Variants in UGGT1 observed in about 807,000 individuals in gnomAD.
UGGT1 encodes the protein UDP-glucose glycoprotein glucosyltransferase 1, also known as UDP-glucose:glycoprotein glucosyltransferase 1.
UGGT1 carries 107 observed loss-of-function variants against 203.9 expected under a neutral mutation model. The observed-to-expected ratio is 0.52, with a 90% CI of 0.45 to 0.62. The LOEUF is 0.62. Among genes scored for constraint, UGGT1 ranks in the 20% least tolerant of loss-of-function variants. The pLI, the probability that UGGT1 is intolerant of heterozygous loss-of-function variation, is 0.00. For missense variants in UGGT1, 1,673 were observed against 1,867.2 expected, an observed-to-expected ratio of 0.90 and a Z score of 1.92; for synonymous variants, 628 against 653.5, an observed-to-expected ratio of 0.96 and a Z score of 0.59.
chr2:128,140,070 T>C (rs1689333679), intron 16 of UGGT1: 1 of 153,424 alleles, frequency 6.5e-6, no homozygotes, highest in African/African-American at 2.4e-5. Context: ...TTGAAGAGGC[T>C]CTCAGCGGAT....
Position 128,182,254 on chromosome 2 carries a change from G to A in UGGT1, c.4208G>A (p.Trp1403Ter). Residue 1403 changes from tryptophan to a stop codon, truncating the protein, a stop_gained, in exon 37 of 41, where the codon TGG becomes TAG. Coordinates refer to ENST00000259253, the MANE Select transcript of UGGT1 (RefSeq NM_020120.4). LOFTEE classifies it high-confidence loss of function. ...TACAGGTTCTGGAAGTCAGGGTACT[G>A]GGCCAGTCATTTAGCCGGGCGAAAG... The part of the protein sequence containing the change: ...DGYRFWKSGY[W>*]ASHLAGRKYH... 6.2e-7 allele frequency: 1 copy of A among 1,613,938 alleles called. No homozygotes were observed. Among genetic ancestry groups the A allele is most frequent in the Non-Finnish European group, 8.5e-7 (1 of 1,179,932 alleles).
intron 31 of UGGT1, among the ~76,000 whole-genome samples, chr2:128,176,227 A>G (rs1165847721): frequency 6.6e-6 from 1 of 152,176 alleles, no homozygotes; most frequent in Non-Finnish European, 1.5e-5. Flanking sequence ...CAGCCTAGCC[A>G]CTATGGTGAA....
At chr2:128,128,987 C>G (rs531403590) in intron 12 of UGGT1, 42 bp from the exon 13 acceptor site, 1 of 1,475,500 alleles carries the variant, frequency 6.8e-7, no homozygotes, top group East Asian at 2.5e-5. Context: ...TTTTTAAAAG[C>G]TTTTTTTCCT....
intron 3 of UGGT1, among the ~76,000 whole-genome samples, chr2:128,107,114 A>G (rs1687643262): frequency 6.6e-6 from 1 of 152,100 alleles, no homozygotes; most frequent in Non-Finnish European, 1.5e-5. Context: ...CCTGCTTTTT[A>G]TAACATTTTA....
chr2:128,115,271 G>A, intron 7 of UGGT1, 51 bp downstream of exon 7: 1 of 1,503,660 alleles, frequency 6.7e-7, no homozygotes, highest in Non-Finnish European at 9.2e-7. Flanking sequence ...ATGAGTTAAA[G>A]GGGAGTTTGT....
At chr2:128,186,942 G>A (rs1403215869) in intron 39 of UGGT1, 143 bp downstream of exon 39, 18 of 611,718 alleles carry the variant, frequency 2.9e-5, no homozygotes, top group African/African-American at 9.5e-5. Context: ...GTAGTTTGTC[G>A]GGGCTATTCT....
intron 25 of UGGT1, 103 bp from the exon 26 acceptor site, chr2:128,164,627 C>T: frequency 1.1e-6 from 1 of 933,650 alleles, no homozygotes; most frequent in Non-Finnish European, 1.7e-6. Flanking sequence ...CTTGTTCAAA[C>T]CATCTTGTTA....
chr2:128,133,371 C>G (rs1043231669), intron 14 of UGGT1, 111 bp downstream of exon 14: 18 of 1,373,572 alleles, frequency 1.3e-5, no homozygotes, highest in East Asian at 2.5e-5. Context: ...CTTCCTCCCC[C>G]ACCCTTCACC....
At chr2:128,115,528 C>G (rs183323495) in intron 7 of UGGT1, among the ~76,000 whole-genome samples, 151 of 150,350 alleles carry the variant, frequency 1.0e-3, no homozygotes, top group African/African-American at 3.4e-3. Context: ...AAAAAAGAAC[C>G]TGGCACAGTG....
chr2:128,117,579 T>A (rs1296623004), intron 8 of UGGT1, among the ~76,000 whole-genome samples: 1 of 150,918 alleles, frequency 6.6e-6, no homozygotes, highest in Admixed American at 6.6e-5. Context: ...AGTCTTGCTC[T>A]GTTGCCTAGG....
chr2:128,129,343 C>A (rs1688765491), intron 13 of UGGT1, among the ~76,000 whole-genome samples, 164 bp downstream of exon 13: 1 of 151,374 alleles, frequency 6.6e-6, no homozygotes, highest in African/African-American at 2.4e-5. Flanking sequence ...ATAAAGTAGG[C>A]CCTTAAATGC....
At chr2:128,116,010 TA>T (rs1688084589) in intron 7 of UGGT1, among the ~76,000 whole-genome samples, 1 of 151,750 alleles carries the variant, frequency 6.6e-6, no homozygotes, top group Non-Finnish European at 1.5e-5. Context: ...TTTTAGCATG[TA>T]AAATTTTCCA....
rs749392490 is a variant in UGGT1 at position 128,157,304 on chromosome 2, C to T, written c.2313C>T (p.Ser771=). The part of the protein sequence containing the change: ...VTFWIVGDFD[S]PSGRQLLYDA... ...TTTGGATTGTTGGGGATTTTGATAG[C>T]CCTTCTGGACGGCAGTTACTGTATG... Residue 771 remains serine, a synonymous_variant, in exon 22 of 41, where the codon AGC becomes AGT. Coordinates refer to ENST00000259253, the MANE Select transcript of UGGT1 (RefSeq NM_020120.4). 2.5e-6 allele frequency: 4 copies of T among 1,614,106 alleles called. No individual in the cohort carries two copies. In the South Asian group the frequency reaches 3.3e-5, roughly 13 times the overall value.
chr2:128,129,245 T>G (rs1688761462), intron 13 of UGGT1, 66 bp downstream of exon 13: 1 of 1,530,806 alleles, frequency 6.5e-7, no homozygotes, highest in Non-Finnish European at 8.8e-7. Flanking sequence ...GTTTCTGATT[T>G]GTCTCTTATG....
intron 4 of UGGT1, 151 bp from the exon 5 acceptor site, chr2:128,109,483 A>C: frequency 4.7e-6 from 3 of 643,758 alleles, no homozygotes; most frequent in Non-Finnish European, 8.1e-6. Context: ...TGGTCTCCCA[A>C]AGTGCTGGGA....
chr2:128,107,038 G>T (rs1235174994), intron 3 of UGGT1, among the ~76,000 whole-genome samples: 1 of 152,114 alleles, frequency 6.6e-6, no homozygotes, highest in African/African-American at 2.4e-5. Flanking sequence ...CGAAGTCAAA[G>T]CTGTATAAAA....
chr2:128,139,547 C>A (rs1165556020), intron 16 of UGGT1, among the ~76,000 whole-genome samples: 4 of 152,258 alleles, frequency 2.6e-5, no homozygotes, highest in African/African-American at 9.6e-5. Context: ...CAGAGACAGA[C>A]ACAGAAACAG....
chr2:128,122,493 C>T (rs6430992), intron 10 of UGGT1, among the ~76,000 whole-genome samples: 134,898 of 151,366 alleles, frequency 0.89, 61,081 homozygotes, highest in Non-Finnish European at 0.98. Context: ...AAGATCATGC[C>T]ATTGCACTCC....
intron 18 of UGGT1, 105 bp from the exon 19 acceptor site, chr2:128,152,679 A>G (rs1690029602): frequency 3.4e-6 from 5 of 1,449,320 alleles, no homozygotes; most frequent in Non-Finnish European, 3.7e-6. Flanking sequence ...TTATTAGCAC[A>G]GAGGAAGCCA....
Sources: allele counts gnomAD v4.1 joint callset (sites outside exome capture counted in the v4.1 genomes callset), GRCh38; gene constraint gnomAD v4.1.1; transcripts MANE v1.5; gene names NCBI Gene and HGNC (gene_info 2026-07-23, HGNC 2026-07-21).